Variants in DOCK4 observed in about 807,000 individuals in gnomAD.
DOCK4 encodes dedicator of cytokinesis protein 4.
DOCK4 carries 97 observed loss-of-function variants against 268.1 expected under a neutral mutation model. The ratio of observed to expected loss-of-function variants is 0.36; its 90% CI spans 0.31 to 0.43. The LOEUF is 0.43. Among genes scored for constraint, DOCK4 ranks in the 20% least tolerant of loss-of-function variants. The pLI is 1.00. For missense variants in DOCK4, 2,145 were observed against 2,455.7 expected, an observed-to-expected ratio of 0.87 and a Z score of 2.67; for synonymous variants, 954 against 887.2, an observed-to-expected ratio of 1.08 and a Z score of -1.34.
chr7:112,156,398 G>A (rs1816616990), intron 1 of DOCK4, among the ~76,000 whole-genome samples: 1 of 152,156 alleles, frequency 6.6e-6, no homozygotes, highest in Non-Finnish European at 1.5e-5. Flanking sequence ...TCACATTGGG[G>A]TTACATTATA....
chr7:112,018,176 A>AAAAAAAC (rs1802008465), intron 1 of DOCK4, among the ~76,000 whole-genome samples: 2 of 133,956 alleles, frequency 1.5e-5, no homozygotes, highest in African/African-American at 6.2e-5. Flanking sequence ...AAAAAAAAAA[A>AAAAAAAC]AAAACACAGG....
intron 39 of DOCK4, among the ~76,000 whole-genome samples, chr7:111,762,339 A>G (rs1006598653): frequency 2.0e-5 from 3 of 152,228 alleles, no homozygotes; most frequent in African/African-American, 4.8e-5. Context: ...CATCATGTCA[A>G]AAAGAAACCC....
chr7:111,962,421 T>A (rs943155803), intron 8 of DOCK4, among the ~76,000 whole-genome samples: 2 of 152,206 alleles, frequency 1.3e-5, no homozygotes, highest in African/African-American at 2.4e-5. Flanking sequence ...TATCTCTACT[T>A]ATCAGACAAG....
At chr7:111,886,636 T>C (rs902665569) in intron 16 of DOCK4, among the ~76,000 whole-genome samples, 2 of 151,944 alleles carry the variant, frequency 1.3e-5, no homozygotes, top group Admixed American at 1.3e-4. Flanking sequence ...GAAGAAACAA[T>C]ACACTTAAAG....
chr7:112,176,934 A>G (rs1451265376), intron 1 of DOCK4, among the ~76,000 whole-genome samples: 17 of 152,208 alleles, frequency 1.1e-4, no homozygotes, highest in Admixed American at 1.1e-3. Context: ...ACCATTTTCA[A>G]GATCTTGGCC....
intron 51 of DOCK4, among the ~76,000 whole-genome samples, chr7:111,734,690 A>G (rs1795346493): frequency 1.3e-5 from 2 of 152,242 alleles, no homozygotes; most frequent in Admixed American, 1.3e-4. Flanking sequence ...AGTCCTGAAT[A>G]AGACTGAAGA....
At chr7:111,917,765 G>A (rs562861478) in intron 12 of DOCK4, among the ~76,000 whole-genome samples, 6 of 151,154 alleles carry the variant, frequency 4.0e-5, no homozygotes, top group South Asian at 2.1e-4. Flanking sequence ...AATCTACATC[G>A]TCAGATTTAG....
Position 112,135,275 on chromosome 7 carries a change from G to A in DOCK4, c.37+70827C>T, listed in dbSNP as rs73192970. ...TCATTTTAAAATAGTTAAAACCATG[G>A]AAATAAATAGCTTTTCATTAATATA... On this transcript the variant is annotated intron_variant, in intron 1 of 52. Transcript: ENST00000428084. Among the ~76,000 whole-genome samples, 364 of 152,096 alleles carry A rather than the reference G, an allele frequency of 2.4e-3. 1 individual carries two copies. The highest frequency in any genetic ancestry group is 3.9e-3 in the Non-Finnish European group (266 of 67,966).
chr7:111,791,457 GT>G (rs934150073), intron 30 of DOCK4, among the ~76,000 whole-genome samples: 11 of 145,224 alleles, frequency 7.6e-5, no homozygotes, highest in Admixed American at 2.1e-4. Flanking sequence ...TGTTTTTTTT[GT>G]TTTTTTTTTG....
chr7:111,741,584 A>G lies in DOCK4; in HGVS notation c.4875T>C (p.Pro1625=). Residue 1625 remains proline (P), a synonymous_variant, in exon 46 of 53, where the codon CCT becomes CCC. Coordinates refer to ENST00000428084, the MANE Select transcript of DOCK4 (RefSeq NM_001363540.2). ...TGGTACCATCTGGGCTCACAGAAGC[A>G]GGTGCTGAGTTTCTACACACACGAG... ...GSPRVCRNSA[P]ASVSPDGTRV... is the part of the protein sequence containing the mutation. 1 of 1,613,660 alleles carries G rather than the reference A, an allele frequency of 6.2e-7. No homozygotes were observed. The highest frequency in any genetic ancestry group is 2.2e-5 in the East Asian group (1 of 44,866).
At chr7:111,808,908 T>C in intron 29 of DOCK4, 29 bp from the exon 30 acceptor site, 2 of 1,606,490 alleles carry the variant, frequency 1.2e-6, no homozygotes, top group Non-Finnish European at 8.5e-7. Context: ...CCAAACCTGA[T>C]ACAATGCCTC....
At chr7:112,128,260 T>C (rs1813426829) in intron 1 of DOCK4, among the ~76,000 whole-genome samples, 1 of 151,590 alleles carries the variant, frequency 6.6e-6, no homozygotes, top group Non-Finnish European at 1.5e-5. Context: ...TCAGCCCCTC[T>C]GCCCGGCCAG....
At chr7:112,137,795 C>G (rs1161173861) in intron 1 of DOCK4, among the ~76,000 whole-genome samples, 1 of 152,204 alleles carries the variant, frequency 6.6e-6, no homozygotes, top group Non-Finnish European at 1.5e-5. Context: ...CTTCCATTTA[C>G]TAGCTCAGTG....
At chr7:111,879,154 T>C (rs571902738) in intron 16 of DOCK4, among the ~76,000 whole-genome samples, 4 of 152,048 alleles carry the variant, frequency 2.6e-5, no homozygotes, top group African/African-American at 9.6e-5. Context: ...CACAGTAAGA[T>C]AGGGCACTGG....
intron 23 of DOCK4, among the ~76,000 whole-genome samples, chr7:111,859,299 G>A (rs903852392): frequency 6.6e-6 from 1 of 152,190 alleles, no homozygotes; most frequent in Non-Finnish European, 1.5e-5. Context: ...GTTGTTTTAA[G>A]CCACTAAGTT....
Position 111,984,780 on chromosome 7 carries a change from G to C in DOCK4, c.465-390C>G, listed in dbSNP as rs777144595. Among the ~76,000 whole-genome samples, 4 of 152,182 alleles carry C rather than the reference G, an allele frequency of 2.6e-5. No individual in the cohort carries two copies. In the East Asian group the frequency reaches 7.7e-4, roughly 29 times the overall value. On this transcript the variant is annotated intron_variant, in intron 6 of 52. Coordinates refer to ENST00000428084, the MANE Select transcript of DOCK4 (RefSeq NM_001363540.2). ...TGGTTCTAGAAATTGGAGTTGAGGGGAAGGAAATTTGGTCTTTAGAATTTG... is the reference window on the plus strand; with the variant it reads ...TGGTTCTAGAAATTGGAGTTGAGGGCAAGGAAATTTGGTCTTTAGAATTTG...
rs542579245 is a variant in DOCK4 at position 111,928,619 on chromosome 7, G to C, written c.1066+6921C>G. Among the ~76,000 whole-genome samples the C allele has an allele frequency of 3.2e-3, 445 of 140,876 alleles. 2 individuals are homozygous for C. Among genetic ancestry groups the C allele is most frequent in the African/African-American group, 0.012 (427 of 37,024 alleles). 92.4% of individuals were successfully genotyped at this position (140,876 alleles called of 152,430 possible). On this transcript the variant is annotated intron_variant, in intron 12 of 52. Transcript: ENST00000428084. ...TTTTTTTTTTTTAAGATGGAGTCTC[G>C]CTCTGTCACCTAGGCTGGAGTACAG...
At chr7:112,201,231 T>C (rs978177143) in intron 1 of DOCK4, among the ~76,000 whole-genome samples, 1 of 152,166 alleles carries the variant, frequency 6.6e-6, no homozygotes, top group Admixed American at 6.6e-5. Context: ...GTGCATCTTC[T>C]TCCACCAACA....
chr7:111,883,893 C>G (rs1807623871), intron 16 of DOCK4, among the ~76,000 whole-genome samples: 1 of 151,832 alleles, frequency 6.6e-6, no homozygotes, highest in Non-Finnish European at 1.5e-5. Flanking sequence ...GAACAATACT[C>G]TGGACATAAA....
Sources: allele counts gnomAD v4.1 joint callset (sites outside exome capture counted in the v4.1 genomes callset), GRCh38; gene constraint gnomAD v4.1.1; transcripts MANE v1.5; gene names NCBI Gene and HGNC (gene_info 2026-07-23, HGNC 2026-07-21).